Variants in MYRIP observed in about 807,000 individuals in gnomAD.
MYRIP encodes the protein myosin VIIA and Rab interacting protein, also known as rab effector MyRIP.
In MYRIP, 49 loss-of-function variants were observed where a neutral mutation model predicts 98.0. The ratio of observed to expected loss-of-function variants is 0.50; its 90% confidence interval spans 0.40 to 0.63. The LOEUF (loss-of-function observed/expected upper bound fraction) is 0.63, where lower values mean the gene tolerates loss of function less well. Among genes scored for constraint, MYRIP ranks in the 30% least tolerant of loss-of-function variants. The pLI is 0.00. For synonymous variants in MYRIP, 404 were observed against 409.5 expected, an observed-to-expected ratio of 0.99 and a Z score of 0.16; for missense variants, 1,004 against 1,058.2, an observed-to-expected ratio of 0.95 and a Z score of 0.71.
At chr3:40,013,681 C>T (rs1312790794) in intron 2 of MYRIP, among the ~76,000 whole-genome samples, 3 of 152,200 alleles carry the variant, frequency 2.0e-5, no homozygotes, top group Non-Finnish European at 4.4e-5. Flanking sequence ...AGTTTCATAA[C>T]CTCTCTGTGC....
At chr3:39,890,514 T>A (rs1943457565) in intron 1 of MYRIP, among the ~76,000 whole-genome samples, 1 of 152,082 alleles carries the variant, frequency 6.6e-6, no homozygotes, top group Non-Finnish European at 1.5e-5. Flanking sequence ...TTTAAAAACT[T>A]AATATTTTTG....
intron 12 of MYRIP, among the ~76,000 whole-genome samples, chr3:40,239,135 T>C (rs1575669468): frequency 6.8e-6 from 1 of 147,878 alleles, no homozygotes; most frequent in East Asian, 2.0e-4. Context: ...TCAATTCCCA[T>C]CTATGAGTGA....
chr3:39,837,692 T>C (rs1202609091), intron 1 of MYRIP, among the ~76,000 whole-genome samples: 1 of 152,216 alleles, frequency 6.6e-6, no homozygotes, highest in East Asian at 1.9e-4. Context: ...TTGTCTTGGC[T>C]ATACAGGCTC....
chr3:40,179,260 T>C (rs1464737636), intron 8 of MYRIP, among the ~76,000 whole-genome samples: 1 of 152,214 alleles, frequency 6.6e-6, no homozygotes, highest in East Asian at 1.9e-4. Flanking sequence ...TCCTAGGACC[T>C]GTTGGAGACA....
chr3:39,956,293 G>C (rs1164966316), intron 2 of MYRIP, among the ~76,000 whole-genome samples: 1 of 152,124 alleles, frequency 6.6e-6, no homozygotes, highest in Non-Finnish European at 1.5e-5. Context: ...GCACTCCTCA[G>C]CAAATGTAAA....
At chr3:40,140,092 G>C (rs1949860849) in intron 3 of MYRIP, among the ~76,000 whole-genome samples, 1 of 152,134 alleles carries the variant, frequency 6.6e-6, no homozygotes, top group South Asian at 2.1e-4. Context: ...TGTGTCTTGG[G>C]CAGTGGTGAG....
Position 39,918,553 on chromosome 3 carries a change from G to A in MYRIP, c.110+17627G>A, listed in dbSNP as rs530453069. 2.0e-4 allele frequency among the ~76,000 whole-genome samples: 30 copies of A among 152,314 alleles called. No individual in the cohort carries two copies. The South Asian group carries it at 6.0e-3, about 31-fold the overall frequency. ...GAGCTGTGCCATTGCTTCATTCTATGTGTAGGGGCTCAGGGAAAACTTCCC... is the reference window on the plus strand; with the variant it reads ...GAGCTGTGCCATTGCTTCATTCTATATGTAGGGGCTCAGGGAAAACTTCCC... On this transcript the variant is annotated intron_variant, in intron 2 of 16. Transcript: ENST00000302541.
At chr3:39,809,433 C>A (rs1244826794), upstream of MYRIP, among the ~76,000 whole-genome samples, 1 of 147,738 alleles carries the variant, frequency 6.8e-6, no homozygotes, top group Non-Finnish European at 1.5e-5. Flanking sequence ...GCCCGAGGTG[C>A]TCTGGAGGAA....
intron 1 of MYRIP, among the ~76,000 whole-genome samples, chr3:39,857,491 A>G (rs1275874315): frequency 7.2e-5 from 11 of 152,200 alleles, no homozygotes; most frequent in Non-Finnish European, 1.2e-4. Context: ...ATAATTCTCA[A>G]TCAAGCAGAG....
intron 8 of MYRIP, among the ~76,000 whole-genome samples, chr3:40,175,279 T>C (rs1375806163): frequency 6.6e-6 from 1 of 152,214 alleles, no homozygotes; most frequent in African/African-American, 2.4e-5. Context: ...ACACCACCAA[T>C]GCTTGAAGTG....
intron 16 of MYRIP, among the ~76,000 whole-genome samples, chr3:40,256,837 G>A (rs1953606942): frequency 6.6e-6 from 1 of 151,692 alleles, no homozygotes; most frequent in Non-Finnish European, 1.5e-5. Context: ...AAAACTAAAA[G>A]ATTCATGTTG....
In MYRIP at chr3:40,041,381, G is replaced by T. The variant is rs1441139149; in HGVS notation, c.111-2669G>T. Among the ~76,000 whole-genome samples the T allele has an allele frequency of 2.1e-5, 3 of 143,992 alleles. No individual in the cohort carries two copies. In the Admixed American group the frequency reaches 2.2e-4, roughly 10 times the overall value. 94.5% of individuals were successfully genotyped at this position (143,992 alleles called of 152,430 possible). ...CAGACACCAACCTAAGCGGTGAACAGAGTTAACAACATTAATGGGACCAAC... is the reference window on the plus strand; with the variant it reads ...CAGACACCAACCTAAGCGGTGAACATAGTTAACAACATTAATGGGACCAAC... On this transcript the variant is annotated intron_variant, in intron 2 of 16. Transcript: ENST00000302541.
chr3:39,936,817 T>C (rs193022583), intron 2 of MYRIP, among the ~76,000 whole-genome samples: 67 of 152,260 alleles, frequency 4.4e-4, no homozygotes, highest in Non-Finnish European at 8.5e-4. Flanking sequence ...TGTATACGTG[T>C]GTATCTCTGT....
chr3:40,141,288 T>G (rs576878471), intron 3 of MYRIP, among the ~76,000 whole-genome samples: 9 of 152,334 alleles, frequency 5.9e-5, no homozygotes, highest in African/African-American at 2.2e-4. Context: ...ATTTTCCCAT[T>G]TTTTAATTGG....
In MYRIP at chr3:40,202,906, C is replaced by CTTACTTACTTAT. The variant is rs369594921; in HGVS notation, c.1666-6945_1666-6944insCTTACTTATTTA. ...ATCCCCATCACCTCACCTCCATTTA[C>CTTACTTACTTAT]TTATTTATTTATTTATTTATTTATT... On this transcript the variant is annotated intron_variant, in intron 10 of 16. Coordinates refer to ENST00000302541, the MANE Select transcript of MYRIP (RefSeq NM_015460.4). Among the ~76,000 whole-genome samples the CTTACTTACTTAT allele has an allele frequency of 5.8e-3, 830 of 142,496 alleles. 4 individuals are homozygous for CTTACTTACTTAT. Among genetic ancestry groups the CTTACTTACTTAT allele is most frequent in the African/African-American group, 0.017 (641 of 38,616 alleles). 93.5% of individuals were successfully genotyped at this position (142,496 alleles called of 152,430 possible).
chr3:40,032,808 C>G (rs1947290860), intron 2 of MYRIP, among the ~76,000 whole-genome samples: 1 of 152,064 alleles, frequency 6.6e-6, no homozygotes, highest in South Asian at 2.1e-4. Context: ...AAAATTGATG[C>G]AAAAATCCTC....
intron 3 of MYRIP, among the ~76,000 whole-genome samples, chr3:40,094,169 T>C (rs1948780553): frequency 6.6e-6 from 1 of 152,250 alleles, no homozygotes; most frequent in Admixed American, 6.5e-5. Context: ...TTTACCCCAC[T>C]GGATTTAGCT....
chr3:39,934,134 A>G (rs1944604610), intron 2 of MYRIP, among the ~76,000 whole-genome samples: 1 of 152,174 alleles, frequency 6.6e-6, no homozygotes, highest in Admixed American at 6.5e-5. Flanking sequence ...ATGTTGTGGT[A>G]TGACAGTACT....
At chr3:39,904,555 A>C (rs1206341985) in intron 2 of MYRIP, among the ~76,000 whole-genome samples, 2 of 151,974 alleles carry the variant, frequency 1.3e-5, no homozygotes, top group Admixed American at 6.6e-5. Flanking sequence ...TTTATTTCCC[A>C]AAAGCATGTA....
Sources: gnomAD v4.1 joint callset for allele counts (sites outside exome capture counted in the v4.1 genomes callset) on GRCh38, gnomAD v4.1.1 for gene constraint, MANE v1.5 for transcripts, NCBI Gene and HGNC (gene_info 2026-07-23, HGNC 2026-07-21) for gene names.